CCSER1: variants seen among roughly 807,000 people sequenced by gnomAD.
The protein encoded by CCSER1 is coiled-coil serine rich protein 1, also known as serine-rich coiled-coil domain-containing protein 1.
Under a neutral mutation model 82.0 loss-of-function variants are expected in CCSER1, and 41 were observed. The ratio of observed to expected loss-of-function variants is 0.50; its 90% CI spans 0.39 to 0.65. CCSER1 has a LOEUF of 0.65. Among genes scored for constraint, CCSER1 ranks in the 30% least tolerant of loss-of-function variants. CCSER1 has a pLI of 0.00. For missense variants in CCSER1, 1,119 were observed against 1,064.2 expected, an observed-to-expected ratio of 1.05 and a Z score of -0.72; for synonymous variants, 414 against 383.9, an observed-to-expected ratio of 1.08 and a Z score of -0.92.
At chr4:91,424,751 AAG>A (rs1396086438) in intron 10 of CCSER1, among the ~76,000 whole-genome samples, 3 of 152,168 alleles carry the variant, frequency 2.0e-5, no homozygotes, top group Admixed American at 1.3e-4. Flanking sequence ...CAAGGTCATT[AAG>A]AGTAAAATAT....
chr4:90,637,815 G>T (rs1201608173), intron 6 of CCSER1, among the ~76,000 whole-genome samples: 1 of 152,066 alleles, frequency 6.6e-6, no homozygotes, highest in African/African-American at 2.4e-5. Context: ...TTCTTATAAA[G>T]GTAGCACATG....
intron 10 of CCSER1, among the ~76,000 whole-genome samples, chr4:91,131,337 T>C (rs892333735): frequency 6.6e-6 from 1 of 151,752 alleles, no homozygotes; most frequent in Non-Finnish European, 1.5e-5. Context: ...CCCTCTTTTT[T>C]TTTTTTTTTG....
chr4:90,832,076 T>C (rs1186492109), intron 8 of CCSER1, among the ~76,000 whole-genome samples: 1 of 146,502 alleles, frequency 6.8e-6, no homozygotes, highest in African/African-American at 2.4e-5. Context: ...CAGGTATTAC[T>C]ATGTGACTCT....
At chr4:91,414,813 CAAA>C (rs550889103) in intron 10 of CCSER1, among the ~76,000 whole-genome samples, 80 of 152,048 alleles carry the variant, frequency 5.3e-4, no homozygotes, top group Middle Eastern at 3.4e-3. Flanking sequence ...ACATGAGAAA[CAAA>C]GAAGGTCATT....
At chr4:90,387,844 C>T (rs902543366) in intron 3 of CCSER1, among the ~76,000 whole-genome samples, 1 of 152,150 alleles carries the variant, frequency 6.6e-6, no homozygotes, top group Non-Finnish European at 1.5e-5. Flanking sequence ...GGTATTTTAT[C>T]TGTACCCTAC....
chr4:91,408,936 C>T (rs11735410), intron 10 of CCSER1, among the ~76,000 whole-genome samples: 8,623 of 152,210 alleles, frequency 0.057, 362 homozygotes, highest in Middle Eastern at 0.089. Context: ...AATGGATACC[C>T]TCAGGTCAGA....
chr4:90,362,804 C>G (rs978066343), intron 3 of CCSER1, among the ~76,000 whole-genome samples: 3 of 152,160 alleles, frequency 2.0e-5, no homozygotes, highest in Admixed American at 2.0e-4. Flanking sequence ...GGGCTACATT[C>G]TGATTACAAT....
chr4:91,265,950 C>T (rs945830210), intron 10 of CCSER1, among the ~76,000 whole-genome samples: 1 of 152,046 alleles, frequency 6.6e-6, no homozygotes, highest in Non-Finnish European at 1.5e-5. Context: ...AGGCAAAAGG[C>T]ACTTCTTACA....
chr4:91,544,178 CT>C (rs1281820274), intron 10 of CCSER1, among the ~76,000 whole-genome samples: 2 of 152,108 alleles, frequency 1.3e-5, no homozygotes, highest in African/African-American at 4.8e-5. Flanking sequence ...CTTCTCTATG[CT>C]GTTTATTCTA....
chr4:90,390,598 G>T (rs760266930), intron 3 of CCSER1, among the ~76,000 whole-genome samples: 10 of 152,136 alleles, frequency 6.6e-5, no homozygotes, highest in Non-Finnish European at 2.9e-5. Flanking sequence ...CCATGTTGCT[G>T]CAAAAGACAT....
At chr4:90,289,489 T>A (rs1730527711) in intron 1 of CCSER1, among the ~76,000 whole-genome samples, 1 of 151,930 alleles carries the variant, frequency 6.6e-6, no homozygotes, top group Admixed American at 6.6e-5. Context: ...AGAGAGTTCA[T>A]CTTTCACATG....
At chr4:90,895,444 C>G (rs1723565162) in intron 8 of CCSER1, among the ~76,000 whole-genome samples, 1 of 151,856 alleles carries the variant, frequency 6.6e-6, no homozygotes, top group Non-Finnish European at 1.5e-5. Flanking sequence ...TTAGACAACT[C>G]AAACTGGGTT....
At chr4:91,287,414 A>G (rs1743364983) in intron 10 of CCSER1, among the ~76,000 whole-genome samples, 1 of 151,750 alleles carries the variant, frequency 6.6e-6, no homozygotes, top group Non-Finnish European at 1.5e-5. Flanking sequence ...TATTTGCATT[A>G]TTTATCATTC....
chr4:90,691,548 C>T (rs977133353), intron 6 of CCSER1, among the ~76,000 whole-genome samples: 6 of 133,244 alleles, frequency 4.5e-5, no homozygotes, highest in African/African-American at 1.5e-4. Flanking sequence ...TACATGTGTA[C>T]ATATCACATG....
intron 8 of CCSER1, among the ~76,000 whole-genome samples, chr4:90,912,074 G>A (rs1277608018): frequency 6.6e-6 from 1 of 152,208 alleles, no homozygotes; most frequent in East Asian, 1.9e-4. Context: ...CCGAACAAAA[G>A]GCAGCAGAAA....
At chr4:91,499,249 C>T (rs940352869) in intron 10 of CCSER1, among the ~76,000 whole-genome samples, 2 of 151,868 alleles carry the variant, frequency 1.3e-5, no homozygotes, top group African/African-American at 4.8e-5. Context: ...TTGTTTTCTT[C>T]TGATTACTAT....
At chr4:90,568,055 T>C (rs1189159415) in intron 5 of CCSER1, among the ~76,000 whole-genome samples, 1 of 152,250 alleles carries the variant, frequency 6.6e-6, no homozygotes, top group African/African-American at 2.4e-5. Context: ...GAAAATATAT[T>C]TGATACAATT....
chr4:91,085,014 G>A (rs1263386013), intron 9 of CCSER1, among the ~76,000 whole-genome samples: 2 of 151,596 alleles, frequency 1.3e-5, no homozygotes, highest in Non-Finnish European at 2.9e-5. Flanking sequence ...GCTACTTAAT[G>A]GAATAACAAC....
intron 10 of CCSER1, among the ~76,000 whole-genome samples, chr4:91,380,628 GC>G (rs1437153877): frequency 2.0e-5 from 3 of 151,912 alleles, no homozygotes; most frequent in Non-Finnish European, 4.4e-5. Context: ...TTTATTTTGA[GC>G]CTTTGTGTGT....
Sources: gnomAD v4.1 joint callset for allele counts (sites outside exome capture counted in the v4.1 genomes callset) on GRCh38, gnomAD v4.1.1 for gene constraint, MANE v1.5 for transcripts, NCBI Gene and HGNC (gene_info 2026-07-23, HGNC 2026-07-21) for gene names.